The following SRFBP1 variants were observed in gnomAD, a reference collection of about 807,000 sequenced individuals.
SRFBP1 encodes serum response factor-binding protein 1.
A neutral mutation model predicts 45.5 loss-of-function variants in SRFBP1; 47 were observed. The ratio of observed to expected loss-of-function variants is 1.03; its 90% CI spans 0.82 to 1.32. The LOEUF is 1.32. Among genes scored for constraint, SRFBP1 ranks in the 40% most tolerant of loss-of-function variants. SRFBP1 has a pLI of 0.00. For synonymous variants in SRFBP1, 203 were observed against 166.3 expected (o/e 1.22, Z -1.70); for missense variants, 621 against 484.6 (o/e 1.28, Z -2.64).
At chr5:122,012,234 T>C (rs1235339749) in intron 4 of SRFBP1, among the ~76,000 whole-genome samples, 1 of 152,036 alleles carries the variant, frequency 6.6e-6, no homozygotes, top group Non-Finnish European at 1.5e-5. Flanking sequence ...AATGTAGGAT[T>C]TTCTAAGAAT....
intron 4 of SRFBP1, among the ~76,000 whole-genome samples, chr5:122,014,310 A>G (rs1327752825): frequency 6.6e-6 from 1 of 152,188 alleles, no homozygotes; most frequent in Non-Finnish European, 1.5e-5. Context: ...ATAATTCTAC[A>G]TAACTACTCA....
intron 2 of SRFBP1, among the ~76,000 whole-genome samples, chr5:122,047,158 T>C (rs1400216535): frequency 1.3e-5 from 2 of 152,232 alleles, no homozygotes; most frequent in East Asian, 1.9e-4. Flanking sequence ...TAGGTTCTCT[T>C]CTAGGGTTTT....
At position 122,020,691 on chromosome 5, in the gene SRFBP1, C is replaced by G; in HGVS notation, c.956C>G (p.Thr319Arg). The part of the protein sequence containing the change: ...PLEKVFLKED[T>R]GETHGDTRND... ...GAAAAAGTGTTTCTTAAAGAAGATA[C>G]AGGTGAAACTCATGGGGATACAAGA... Residue 319 changes from threonine to arginine, a missense_variant, in exon 6 of 8, where the codon ACA (threonine) becomes AGA (arginine). Physicochemically the swap from Thr to Arg is moderately conservative, Grantham distance 71. Transcript: ENST00000339397. 6.2e-7 allele frequency: 1 copy of G among 1,613,946 alleles called. No homozygotes were observed. The highest frequency in any genetic ancestry group is 1.1e-5 in the South Asian group (1 of 91,028).
At chr5:122,058,529 A>AGTGTGT (rs147926229) in intron 2 of SRFBP1, among the ~76,000 whole-genome samples, 2,201 of 142,314 alleles carry the variant, frequency 0.015, 22 homozygotes, top group East Asian at 0.03. Flanking sequence ...ACAATGAGAT[A>AGTGTGT]GTGTGTGTGT....
chr5:121,975,433 C>T, intron 3 of SRFBP1, 46 bp downstream of exon 3: 2 of 1,599,012 alleles, frequency 1.3e-6, no homozygotes, highest in Non-Finnish European at 1.7e-6. Flanking sequence ...TCTGAGTATC[C>T]TGTTATCCTG....
chr5:121,971,985 C>T (rs1004470135), intron 1 of SRFBP1, among the ~76,000 whole-genome samples: 12 of 151,950 alleles, frequency 7.9e-5, no homozygotes, highest in Admixed American at 5.3e-4. Context: ...TGAGTTTGGA[C>T]GTCTCTTTCT....
At chr5:122,043,444 C>T (rs901088351) in intron 2 of SRFBP1, among the ~76,000 whole-genome samples, 1 of 152,042 alleles carries the variant, frequency 6.6e-6, no homozygotes, top group African/African-American at 2.4e-5. Flanking sequence ...TCAAACTCCT[C>T]ACCTCAAGTG....
intron 3 of SRFBP1, among the ~76,000 whole-genome samples, chr5:121,991,528 A>G (rs1401356715): frequency 6.6e-6 from 1 of 152,184 alleles, no homozygotes; most frequent in Non-Finnish European, 1.5e-5. Flanking sequence ...GAATAGGAAC[A>G]CTAATATTTA....
At chr5:122,033,735 A>G (rs1753628468) in intron 2 of SRFBP1, among the ~76,000 whole-genome samples, 1 of 149,356 alleles carries the variant, frequency 6.7e-6, no homozygotes, top group African/African-American at 2.5e-5. Flanking sequence ...CTGGGATTAC[A>G]TGTGTGAGCC....
chr5:122,039,386 G>T (rs1306707586), intron 2 of SRFBP1, among the ~76,000 whole-genome samples: 1 of 152,120 alleles, frequency 6.6e-6, no homozygotes, highest in African/African-American at 2.4e-5. Context: ...TCTGGGTGTG[G>T]TAGGATATTT....
intron 4 of SRFBP1, among the ~76,000 whole-genome samples, chr5:122,008,743 C>G (rs1398428481): frequency 6.6e-6 from 1 of 152,074 alleles, no homozygotes; most frequent in Non-Finnish European, 1.5e-5. Context: ...TGCCATCTTG[C>G]TGACATCTAT....
chr5:121,989,195 C>T (rs1404089100), intron 3 of SRFBP1, among the ~76,000 whole-genome samples: 2 of 152,066 alleles, frequency 1.3e-5, no homozygotes. Flanking sequence ...TCCTGAGTAG[C>T]TGGGATTACA....
At chr5:122,007,201 G>A (rs1471073329) in intron 4 of SRFBP1, among the ~76,000 whole-genome samples, 1 of 152,006 alleles carries the variant, frequency 6.6e-6, no homozygotes, top group East Asian at 1.9e-4. Flanking sequence ...GGGTTCATGT[G>A]ATAGGGCCTG....
intron 4 of SRFBP1, among the ~76,000 whole-genome samples, chr5:122,001,278 T>A (rs1752860524): frequency 6.6e-6 from 1 of 151,612 alleles, no homozygotes; most frequent in Admixed American, 6.6e-5. Context: ...TTGGAAATTT[T>A]GCTATAACAG....
chr5:121,991,776 AT>A (rs925213288), intron 3 of SRFBP1, among the ~76,000 whole-genome samples: 1 of 152,064 alleles, frequency 6.6e-6, no homozygotes, highest in Admixed American at 6.6e-5. Flanking sequence ...GCTAAACACA[AT>A]TTTTACATTT....
chr5:122,002,872 G>A (rs2112686395), intron 4 of SRFBP1, among the ~76,000 whole-genome samples: 1 of 152,180 alleles, frequency 6.6e-6, no homozygotes, highest in East Asian at 1.9e-4. Flanking sequence ...AAGAAAAAAA[G>A]CACTCTGATG....
At chr5:122,057,472 TGTG>T (rs1754102363) in intron 2 of SRFBP1, among the ~76,000 whole-genome samples, 2 of 151,320 alleles carry the variant, frequency 1.3e-5, no homozygotes, top group Non-Finnish European at 3.0e-5. Context: ...TGTGTGTGTG[TGTG>T]TGTGTGTGTG....
intron 4 of SRFBP1, among the ~76,000 whole-genome samples, chr5:121,998,701 A>T (rs1199051003): frequency 2.6e-5 from 4 of 152,116 alleles, no homozygotes; most frequent in Non-Finnish European, 4.4e-5. Flanking sequence ...TACTTTTCCA[A>T]ATATTTTTTA....
intron 4 of SRFBP1, among the ~76,000 whole-genome samples, chr5:122,013,946 G>T (rs986199272): frequency 6.6e-6 from 1 of 152,114 alleles, no homozygotes; most frequent in Non-Finnish European, 1.5e-5. Context: ...GTTACAGTTA[G>T]AAAGAAGGAC....
Sources: allele counts gnomAD v4.1 joint callset (sites outside exome capture counted in the v4.1 genomes callset), GRCh38; gene constraint gnomAD v4.1.1; transcripts MANE v1.5; gene names NCBI Gene and HGNC (gene_info 2026-07-23, HGNC 2026-07-21).